Variants in SEMA6D observed in about 807,000 individuals in gnomAD.
SEMA6D encodes the protein semaphorin-6D.
SEMA6D carries 35 observed loss-of-function variants against 106.6 expected under a neutral mutation model. The observed-to-expected ratio is 0.33, with a 90% confidence interval of 0.25 to 0.44. SEMA6D has a LOEUF of 0.44. Ranked by LOEUF, SEMA6D falls within the 20% of genes least tolerant of loss-of-function variation. The pLI is 1.00. For synonymous variants in SEMA6D, 499 were observed against 487.7 expected, an observed-to-expected ratio of 1.02 and a Z score of -0.31; for missense variants, 1,185 against 1,345.9, an observed-to-expected ratio of 0.88 and a Z score of 1.87.
At chr15:47,635,093 C>T (rs371613654) in intron 4 of SEMA6D, among the ~76,000 whole-genome samples, 86 of 152,250 alleles carry the variant, frequency 5.6e-4, no homozygotes, top group Middle Eastern at 6.8e-3. Context: ...CAGAGAACTC[C>T]CCACCTTGTC....
At chr15:47,247,344 A>T (rs1012998712) in intron 1 of SEMA6D, among the ~76,000 whole-genome samples, 2 of 152,154 alleles carry the variant, frequency 1.3e-5, no homozygotes, top group Non-Finnish European at 2.9e-5. Flanking sequence ...GGGAGAAAAC[A>T]TTCTGACAAT....
intron 1 of SEMA6D, among the ~76,000 whole-genome samples, chr15:47,240,097 C>A (rs1360120370): frequency 6.6e-6 from 1 of 152,110 alleles, no homozygotes; most frequent in Non-Finnish European, 1.5e-5. Flanking sequence ...AATTGGTCAT[C>A]CTAAAAGAGA....
At chr15:47,293,255 T>C (rs530901226) in intron 1 of SEMA6D, among the ~76,000 whole-genome samples, 1 of 152,290 alleles carries the variant, frequency 6.6e-6, no homozygotes, top group East Asian at 1.9e-4. Context: ...TGTATCTTGC[T>C]TCCACTGGAG....
intron 1 of SEMA6D, among the ~76,000 whole-genome samples, chr15:47,729,641 T>C (rs546145198): frequency 3.3e-5 from 5 of 152,300 alleles, no homozygotes; most frequent in South Asian, 4.1e-4. Context: ...CCTGTGAGGA[T>C]TGATACCCAC....
intron 4 of SEMA6D, among the ~76,000 whole-genome samples, chr15:47,622,234 G>A (rs2077118579): frequency 6.6e-6 from 1 of 151,608 alleles, no homozygotes. Context: ...TGAAAATATG[G>A]GAGGGATTGC....
At chr15:47,730,012 T>A in intron 1 of SEMA6D, 1 of 535,292 alleles carries the variant, frequency 1.9e-6, no homozygotes, top group Non-Finnish European at 3.3e-6. Context: ...CCAGAGTTCT[T>A]TCTAGTAGTG....
chr15:47,707,749 G>A lies in SEMA6D; in HGVS notation c.-54-51996G>A, dbSNP rs950747915. ...GTATTTTTCTGGAAAATATGTTCCCGCTGTCTACTGAAGTAACTGTGTAAT... is the reference window on the plus strand; with the variant it reads ...GTATTTTTCTGGAAAATATGTTCCCACTGTCTACTGAAGTAACTGTGTAAT... On this transcript the variant is annotated intron_variant, in intron 4 of 19. Transcript: ENST00000558014. 5.9e-5 allele frequency among the ~76,000 whole-genome samples: 9 copies of A among 152,184 alleles called. No individual in the cohort carries two copies. The South Asian group carries it at 6.2e-4, about 11-fold the overall frequency.
intron 1 of SEMA6D, among the ~76,000 whole-genome samples, chr15:47,268,427 AT>A (rs1159294854): frequency 6.6e-6 from 1 of 152,088 alleles, no homozygotes; most frequent in African/African-American, 2.4e-5. Context: ...AACAAGGGAT[AT>A]TGCTTTCTGT....
chr15:47,596,013 T>C (rs556818273), intron 3 of SEMA6D, among the ~76,000 whole-genome samples: 12 of 152,164 alleles, frequency 7.9e-5, no homozygotes, highest in African/African-American at 2.9e-4. Context: ...TGCTGTTTGC[T>C]GACAACATGA....
chr15:47,754,454 A>T (rs1041651696), intron 1 of SEMA6D, among the ~76,000 whole-genome samples: 5 of 152,202 alleles, frequency 3.3e-5, no homozygotes, highest in Non-Finnish European at 7.3e-5. Flanking sequence ...TCTTTCAGCA[A>T]CTTAAAAATG....
intron 4 of SEMA6D, among the ~76,000 whole-genome samples, chr15:47,616,119 C>G (rs2077001756): frequency 6.6e-6 from 1 of 151,924 alleles, no homozygotes; most frequent in East Asian, 1.9e-4. Flanking sequence ...CTCTCACCCT[C>G]TTTCATTTGT....
intron 4 of SEMA6D, among the ~76,000 whole-genome samples, chr15:47,604,528 A>C (rs2076734825): frequency 6.6e-6 from 1 of 152,222 alleles, no homozygotes; most frequent in Non-Finnish European, 1.5e-5. Context: ...TTGAAACTTG[A>C]AACTTTGTCA....
intron 3 of SEMA6D, among the ~76,000 whole-genome samples, chr15:47,532,227 T>C (rs1417547899): frequency 6.6e-6 from 1 of 152,200 alleles, no homozygotes; most frequent in African/African-American, 2.4e-5. Flanking sequence ...TCAGGGATAA[T>C]TTATTTGTAA....
intron 2 of SEMA6D, among the ~76,000 whole-genome samples, chr15:47,423,081 C>T (rs919638290): frequency 6.6e-6 from 1 of 152,034 alleles, no homozygotes; most frequent in Admixed American, 6.6e-5. Flanking sequence ...AAGCAGAGTT[C>T]CTGTTTCTTC....
Position 47,675,252 on chromosome 15 carries a change from T to C in SEMA6D, c.-55+74356T>C, listed in dbSNP as rs182962986. 6.6e-5 allele frequency among the ~76,000 whole-genome samples: 10 copies of C among 152,332 alleles called. No homozygotes were observed. The East Asian group carries it at 1.9e-3, about 29-fold the overall frequency. On this transcript the variant is annotated intron_variant, in intron 4 of 19. Coordinates refer to the SEMA6D transcript ENST00000558014. ...TTGTGTCTCCCTTGAATTTGTATGT[T>C]GAAGCCCTAATCCCTAGGACCTCAG...
intron 1 of SEMA6D, among the ~76,000 whole-genome samples, chr15:47,752,099 A>G (rs145523369): frequency 7.4e-4 from 112 of 152,336 alleles, no homozygotes; most frequent in African/African-American, 2.5e-3. Context: ...TGAAGGCCAC[A>G]TTTAAAAGAT....
At chr15:47,256,401 A>G (rs2033804074) in intron 1 of SEMA6D, among the ~76,000 whole-genome samples, 1 of 152,166 alleles carries the variant, frequency 6.6e-6, no homozygotes, top group Non-Finnish European at 1.5e-5. Flanking sequence ...AATTTTCTGC[A>G]TACAGGTCGC....
At chr15:47,335,259 A>G (rs1477948657) in intron 1 of SEMA6D, among the ~76,000 whole-genome samples, 2 of 152,156 alleles carry the variant, frequency 1.3e-5, no homozygotes, top group African/African-American at 2.4e-5. Context: ...ATTTAAGAGC[A>G]ATGTCTTTGG....
At chr15:47,292,337 A>C (rs958690628) in intron 1 of SEMA6D, among the ~76,000 whole-genome samples, 1 of 152,234 alleles carries the variant, frequency 6.6e-6, no homozygotes, top group Non-Finnish European at 1.5e-5. Flanking sequence ...CCTACTGGCT[A>C]TATAAAATTG....
Sources: allele counts gnomAD v4.1 joint callset (sites outside exome capture counted in the v4.1 genomes callset), GRCh38; gene constraint gnomAD v4.1.1; transcripts MANE v1.5; gene names NCBI Gene and HGNC (gene_info 2026-07-23, HGNC 2026-07-21).